Variants in ZSCAN25 observed in about 807,000 individuals in gnomAD.
ZSCAN25 encodes the protein zinc finger and SCAN domain-containing protein 25.
ZSCAN25 carries 27 observed loss-of-function variants against 38.7 expected under a neutral mutation model. The observed-to-expected ratio is 0.70, with a 90% CI of 0.51 to 0.96. ZSCAN25 has a LOEUF of 0.96. Among genes scored for constraint, ZSCAN25 ranks in the 40% least tolerant of loss-of-function variants. The probability of loss-of-function intolerance (pLI) is 0.00; values close to 1 mark genes in which losing one functional copy is unlikely to be tolerated. For missense variants in ZSCAN25, 637 were observed against 705.9 expected, an observed-to-expected ratio of 0.90 and a Z score of 1.11; for synonymous variants, 273 against 277.7, an observed-to-expected ratio of 0.98 and a Z score of 0.17.
chr7:99,711,938 C>A, the ZSCAN25 span, among the ~76,000 whole-genome samples: 1 of 152,114 alleles, frequency 6.6e-6, no homozygotes, highest in Non-Finnish European at 1.5e-5. Context: ...AGGTAATAGA[C>A]CCAGGCTATA....
At chr7:99,634,288 T>A (rs1162771965), downstream of ZSCAN25, among the ~76,000 whole-genome samples, 3 of 152,212 alleles carry the variant, frequency 2.0e-5, no homozygotes, top group Non-Finnish European at 4.4e-5. Flanking sequence ...GCAGGCTGAT[T>A]ATGCTTAAAA....
At chr7:99,721,269 A>G in the ZSCAN25 span, among the ~76,000 whole-genome samples, 1 of 152,236 alleles carries the variant, frequency 6.6e-6, no homozygotes, top group South Asian at 2.1e-4. Context: ...GTTAATAATA[A>G]AACAGAATGA....
intron 4 of ZSCAN25, 82 bp from the exon 5 acceptor site, chr7:99,621,291 C>A: frequency 8.2e-7 from 1 of 1,224,212 alleles, no homozygotes; most frequent in Non-Finnish European, 1.1e-6. Flanking sequence ...TTTCTTGGTT[C>A]TCTTTTTAGA....
At chr7:99,639,829 G>A in the ZSCAN25 span, among the ~76,000 whole-genome samples, 1 of 152,116 alleles carries the variant, frequency 6.6e-6, no homozygotes, top group East Asian at 1.9e-4. Flanking sequence ...ACTTTGGGAG[G>A]CTGAGGTGGG....
At chr7:99,699,829 A>G in the ZSCAN25 span, 2 of 616,716 alleles carry the variant, frequency 3.2e-6, no homozygotes, top group East Asian at 2.9e-5. Flanking sequence ...AATAACCTCT[A>G]TGTGTTTGTA....
the ZSCAN25 span, chr7:99,715,771 G>A: frequency 2.8e-5 from 45 of 1,613,666 alleles, no homozygotes; most frequent in African/African-American, 1.6e-4. Context: ...TTGAGAGAAC[G>A]AATGGATCTA....
the ZSCAN25 span, among the ~76,000 whole-genome samples, chr7:99,698,161 C>T: frequency 2.0e-5 from 3 of 152,170 alleles, no homozygotes; most frequent in Non-Finnish European, 4.4e-5. Flanking sequence ...TTGTGTTGGC[C>T]TAAGGAGGGC....
chr7:99,643,937 G>C, the ZSCAN25 span, among the ~76,000 whole-genome samples: 1 of 151,872 alleles, frequency 6.6e-6, no homozygotes, highest in Non-Finnish European at 1.5e-5. Context: ...GACCCTGTGA[G>C]GCACACCACC....
the ZSCAN25 span, among the ~76,000 whole-genome samples, chr7:99,655,936 T>G: frequency 6.6e-6 from 1 of 152,258 alleles, no homozygotes; most frequent in Non-Finnish European, 1.5e-5. Context: ...TTTTGTATCC[T>G]GATACTTTGC....
the ZSCAN25 span, among the ~76,000 whole-genome samples, chr7:99,637,757 A>G: frequency 6.6e-6 from 1 of 152,208 alleles, no homozygotes; most frequent in South Asian, 2.1e-4. Context: ...CCTTAAATAT[A>G]AAAGACAAAT....
downstream of ZSCAN25, among the ~76,000 whole-genome samples, chr7:99,633,481 C>T (rs1195695515): frequency 6.6e-6 from 1 of 152,168 alleles, no homozygotes; most frequent in African/African-American, 2.4e-5. Flanking sequence ...CTTTATTTGC[C>T]TGTTTTCAGA....
At chr7:99,708,284 C>T in the ZSCAN25 span, among the ~76,000 whole-genome samples, 28 of 152,262 alleles carry the variant, frequency 1.8e-4, no homozygotes, top group East Asian at 4.8e-3. Flanking sequence ...ACAAAAGGCA[C>T]ATAAGTGATG....
chr7:99,638,499 C>T, the ZSCAN25 span: 1 of 1,500,584 alleles, frequency 6.7e-7, no homozygotes, highest in South Asian at 1.1e-5. Context: ...GCAGTCGGCA[C>T]AGTCCACTAC....
At chr7:99,737,633 A>G in the ZSCAN25 span, among the ~76,000 whole-genome samples, 1 of 152,172 alleles carries the variant, frequency 6.6e-6, no homozygotes, top group African/African-American at 2.4e-5. Context: ...CAAAACTCTT[A>G]TGGAAACGAT....
chr7:99,712,087 AT>A, the ZSCAN25 span, among the ~76,000 whole-genome samples: 1 of 152,026 alleles, frequency 6.6e-6, no homozygotes, highest in East Asian at 1.9e-4. Flanking sequence ...CCCTCTCTTG[AT>A]TTTTTTCCTG....
Position 99,631,621 on chromosome 7 carries a change from T to G in ZSCAN25, c.*1601T>G, listed in dbSNP as rs969067048. ...AATACCAGATTCTTTTACTGAGATT[T>G]TTTTTTTTCATTTTCCATTGTAAAT... On this transcript the variant is annotated 3_prime_UTR_variant, in exon 8 of 8. Transcript: ENST00000394152. The G allele has an allele frequency of 2.0e-6, 2 of 985,260 alleles. No individual in the cohort carries two copies. Among genetic ancestry groups the G allele is most frequent in the Admixed American group, 1.2e-4 (2 of 16,264 alleles). The allele number at this position is 985,260 out of a possible 1,614,324, so 61.0% of individuals were successfully genotyped here.
chr7:99,649,960 G>T, the ZSCAN25 span: 2 of 1,333,064 alleles, frequency 1.5e-6, no homozygotes, highest in Non-Finnish European at 2.1e-6. Flanking sequence ...ATCCAAGTAG[G>T]TTCTTTGGCC....
At chr7:99,684,739 T>C in the ZSCAN25 span, among the ~76,000 whole-genome samples, 1 of 152,242 alleles carries the variant, frequency 6.6e-6, no homozygotes, top group African/African-American at 2.4e-5. Flanking sequence ...ATGCTCCAGA[T>C]AAAACAGATG....
At chr7:99,617,838 G>C (rs768199628) in intron 1 of ZSCAN25, among the ~76,000 whole-genome samples, 2 of 152,184 alleles carry the variant, frequency 1.3e-5, no homozygotes, top group African/African-American at 4.8e-5. Context: ...AGATGAATGA[G>C]GATCTTTCTT....
Sources: allele counts gnomAD v4.1 joint callset (sites outside exome capture counted in the v4.1 genomes callset), GRCh38; gene constraint gnomAD v4.1.1; transcripts MANE v1.5; gene names NCBI Gene and HGNC (gene_info 2026-07-23, HGNC 2026-07-21).